Variants in SYNPR observed in about 807,000 individuals in gnomAD.
SYNPR encodes synaptoporin.
Under a neutral mutation model 32.9 loss-of-function variants are expected in SYNPR, and 23 were observed. The observed-to-expected ratio is 0.70, with a 90% CI of 0.50 to 0.99. The LOEUF (loss-of-function observed/expected upper bound fraction) is 0.99, where lower values mean the gene tolerates loss of function less well. Ranked by LOEUF, SYNPR falls within the 50% of genes least tolerant of loss-of-function variation. The probability of loss-of-function intolerance (pLI) is 0.00; values close to 1 mark genes in which losing one functional copy is unlikely to be tolerated. For synonymous variants in SYNPR, 146 were observed against 135.9 expected, an observed-to-expected ratio of 1.07 and a Z score of -0.52; for missense variants, 318 against 349.3, an observed-to-expected ratio of 0.91 and a Z score of 0.71.
chr3:63,421,489 A>AAT (rs1398959719), intron 2 of SYNPR, among the ~76,000 whole-genome samples: 2 of 151,436 alleles, frequency 1.3e-5, no homozygotes, highest in Non-Finnish European at 2.9e-5. Flanking sequence ...ATTCAGACTA[A>AAT]ATATATATAT....
chr3:63,572,372 A>G (rs1219388163), intron 4 of SYNPR, among the ~76,000 whole-genome samples: 1 of 151,992 alleles, frequency 6.6e-6, no homozygotes. Flanking sequence ...GATTATTCAA[A>G]GTCTTCTGTC....
chr3:63,517,063 T>C (rs1000470115), intron 3 of SYNPR, among the ~76,000 whole-genome samples: 1 of 152,150 alleles, frequency 6.6e-6, no homozygotes, highest in Non-Finnish European at 1.5e-5. Flanking sequence ...CTCAGGGTGA[T>C]CTATATCCAT....
intron 2 of SYNPR, among the ~76,000 whole-genome samples, chr3:63,430,450 A>G (rs1310334187): frequency 6.6e-6 from 1 of 152,146 alleles, no homozygotes; most frequent in Non-Finnish European, 1.5e-5. Context: ...ATAGATGTAC[A>G]TAATTGTGAA....
chr3:63,378,364 T>A (rs12491691), intron 2 of SYNPR, among the ~76,000 whole-genome samples: 5 of 152,074 alleles, frequency 3.3e-5, no homozygotes, highest in Admixed American at 1.3e-4. Flanking sequence ...GGTTCATTTT[T>A]TGTCTGTGGA....
chr3:63,615,022 T>A (rs1700257201), intron 5 of SYNPR, among the ~76,000 whole-genome samples: 1 of 152,184 alleles, frequency 6.6e-6, no homozygotes, highest in Non-Finnish European at 1.5e-5. Flanking sequence ...ATAAAGCCCT[T>A]TATGTAGTGC....
In SYNPR at chr3:63,615,638, G is replaced by GA. The variant is rs1700268924; in HGVS notation, c.*162dup. On this transcript the variant is annotated 3_prime_UTR_variant, in exon 6 of 6. Coordinates refer to ENST00000478300, the MANE Select transcript of SYNPR (RefSeq NM_001130003.2). ...ATTAAGGCAGCAAGTCCTGGGTTGT[G>GA]AAAAATGATACTTAGAGATGAGGCG... 2.0e-6 allele frequency: 2 copies of GA among 990,330 alleles called. No individual in the cohort carries two copies. The highest frequency in any genetic ancestry group is 2.9e-6 in the Non-Finnish European group (2 of 695,062). The allele number at this position is 990,330 out of a possible 1,614,324, so 61.3% of individuals were successfully genotyped here. A position where few individuals can be genotyped will look rare whatever the true frequency, so the allele number is the denominator to read the frequency against.
intron 3 of SYNPR, among the ~76,000 whole-genome samples, chr3:63,511,514 C>T (rs1701699223): frequency 1.3e-5 from 2 of 152,210 alleles, no homozygotes; most frequent in East Asian, 1.9e-4. Context: ...CTATAATGCA[C>T]GTATTTATAA....
chr3:63,535,104 A>G (rs1702178577), intron 3 of SYNPR, among the ~76,000 whole-genome samples: 1 of 152,226 alleles, frequency 6.6e-6, no homozygotes, highest in African/African-American at 2.4e-5. Context: ...GCTGATAAGT[A>G]GCAGAATTAA....
At chr3:63,366,010 T>G (rs772872797) in intron 2 of SYNPR, among the ~76,000 whole-genome samples, 5 of 152,244 alleles carry the variant, frequency 3.3e-5, no homozygotes, top group Non-Finnish European at 5.9e-5. Context: ...TTTGCTATTT[T>G]AAATAATACT....
chr3:63,609,217 TC>T lies in SYNPR; in HGVS notation c.504del (p.Lys169ArgfsTer6). The T allele has an allele frequency of 1.2e-6, 2 of 1,609,938 alleles. No individual in the cohort carries two copies. Among genetic ancestry groups the T allele is most frequent in the Non-Finnish European group, 1.7e-6 (2 of 1,178,068 alleles). On this transcript the variant is annotated frameshift_variant, in exon 5 of 6. Coordinates refer to ENST00000478300, the MANE Select transcript of SYNPR (RefSeq NM_001130003.2). LOFTEE classifies it high-confidence loss of function. The part of the protein sequence containing the change: ...GLSDVKVATD[P>X]KEVLLLMSAC... ...TGTCTGACGTCAAAGTTGCAACGGA[TC>T]CCAAGGAAGTATTGCTACTAATGTC...
intron 2 of SYNPR, among the ~76,000 whole-genome samples, chr3:63,287,462 C>T (rs2086696136): frequency 6.6e-6 from 1 of 151,862 alleles, no homozygotes; most frequent in South Asian, 2.1e-4. Flanking sequence ...TTTTTAATGA[C>T]TTTTCATTCT....
intron 2 of SYNPR, among the ~76,000 whole-genome samples, chr3:63,420,820 A>G (rs892271255): frequency 6.6e-6 from 1 of 152,190 alleles, no homozygotes; most frequent in Non-Finnish European, 1.5e-5. Context: ...AGAACTTATA[A>G]ATCAGTGAGA....
At chr3:63,336,022 T>C (rs1377901585) in intron 2 of SYNPR, among the ~76,000 whole-genome samples, 2 of 152,092 alleles carry the variant, frequency 1.3e-5, no homozygotes, top group African/African-American at 4.8e-5. Flanking sequence ...GTGATCCGCC[T>C]GCCTCGGCCT....
At chr3:63,547,282 A>G (rs1702424733) in intron 3 of SYNPR, among the ~76,000 whole-genome samples, 1 of 152,022 alleles carries the variant, frequency 6.6e-6, no homozygotes. Context: ...AAGACATCAA[A>G]CTTTTTCTTA....
At chr3:63,608,812 A>C (rs1700158569) in intron 4 of SYNPR, among the ~76,000 whole-genome samples, 1 of 152,232 alleles carries the variant, frequency 6.6e-6, no homozygotes, top group Non-Finnish European at 1.5e-5. Context: ...GACATCTGCA[A>C]ATAGGATGAT....
At chr3:63,556,870 C>T (rs1041540183) in intron 4 of SYNPR, 129 bp downstream of exon 4, 105 of 930,728 alleles carry the variant, frequency 1.1e-4, no homozygotes, top group Non-Finnish European at 1.5e-4. Flanking sequence ...TCTTTTTTAT[C>T]CAAATCTCTC....
intron 3 of SYNPR, among the ~76,000 whole-genome samples, chr3:63,546,713 G>GA (rs148191209): frequency 0.23 from 34,799 of 150,832 alleles, 4,058 homozygotes; most frequent in African/African-American, 0.25. Flanking sequence ...TTCCTCTTAT[G>GA]AAAAAAAAAG....
intron 2 of SYNPR, among the ~76,000 whole-genome samples, chr3:63,332,195 G>A (rs567423611): frequency 4.3e-4 from 65 of 152,254 alleles, no homozygotes; most frequent in Non-Finnish European, 7.9e-4. Context: ...TCAGGCTGTA[G>A]TTCCCTGGGC....
chr3:63,305,657 G>A (rs1176071271), intron 2 of SYNPR, among the ~76,000 whole-genome samples: 1 of 151,882 alleles, frequency 6.6e-6, no homozygotes, highest in Non-Finnish European at 1.5e-5. Flanking sequence ...TAGGGGTGGG[G>A]CCTAGGCATT....
Sources: allele counts gnomAD v4.1 joint callset (sites outside exome capture counted in the v4.1 genomes callset), GRCh38; gene constraint gnomAD v4.1.1; transcripts MANE v1.5; gene names NCBI Gene and HGNC (gene_info 2026-07-23, HGNC 2026-07-21).